The following NDUFS6 variants were observed in gnomAD, a reference collection of about 807,000 sequenced individuals.
NDUFS6 encodes NADH dehydrogenase [ubiquinone] iron-sulfur protein 6, mitochondrial.
In NDUFS6, 14 loss-of-function variants were observed where a neutral mutation model predicts 13.2. The ratio of observed to expected loss-of-function variants is 1.06; its 90% CI spans 0.70 to 1.66. The LOEUF (loss-of-function observed/expected upper bound fraction) is 1.66, where lower values mean the gene tolerates loss of function less well. NDUFS6 is among the 40% of genes most tolerant of loss of function. The probability of loss-of-function intolerance (pLI) is 0.00; values close to 1 mark genes in which losing one functional copy is unlikely to be tolerated. For missense variants in NDUFS6, 206 were observed against 170.8 expected (o/e 1.21, Z -1.15); for synonymous variants, 95 against 72.3 (o/e 1.31, Z -1.60).
At chr5:1,806,814 C>T (rs1188018703) in intron 2 of NDUFS6, among the ~76,000 whole-genome samples, 1 of 152,114 alleles carries the variant, frequency 6.6e-6, no homozygotes, top group Non-Finnish European at 1.5e-5. Context: ...TGAGCGTGTG[C>T]CCAAAAGAAC....
rs1262044796 is a variant in NDUFS6 at position 1,814,522 on chromosome 5, C to T, written c.309+61C>T. On this transcript the variant is annotated intron_variant, in intron 3 of 3. Transcript: ENST00000274137. This position sits in a 1 kb window ranked among gnomAD's most constrained non-coding sequence, Gnocchi z 4.9. ...GCCTGCTCGTCCTCATACTCCCCTT[C>T]ACTCCCAGTGCCTGTTCTTTCTGTC... The T allele has an allele frequency of 2.5e-6, 4 of 1,612,654 alleles. No individual in the cohort carries two copies. The highest frequency in any genetic ancestry group is 3.4e-6 in the Non-Finnish European group (4 of 1,179,296).
At chr5:1,811,767 C>T (rs1340531657) in intron 2 of NDUFS6, among the ~76,000 whole-genome samples, 1 of 152,182 alleles carries the variant, frequency 6.6e-6, no homozygotes, top group African/African-American at 2.4e-5. Flanking sequence ...GTGTTTTGTT[C>T]CTGGTGAGAC....
In NDUFS6 at chr5:1,815,981, T is replaced by TGAAGCTCGCTGGTTCTGTGC; in HGVS notation, c.*70_*89dup. The stretch of plus-strand genomic sequence containing the variant: ...CATTTCCGCGGGGAAGCTGAGCACG[T>TGAAGCTCGCTGGTTCTGTGC]GAAGCTCGCTGGTTCTGTGCGAAGG... On this transcript the variant is annotated 3_prime_UTR_variant, in exon 4 of 4. Coordinates refer to ENST00000274137, the MANE Select transcript of NDUFS6 (RefSeq NM_004553.6). The TGAAGCTCGCTGGTTCTGTGC allele has an allele frequency of 6.5e-7, 1 of 1,533,476 alleles. No individual in the cohort carries two copies. The highest frequency in any genetic ancestry group is 9.0e-7 in the Non-Finnish European group (1 of 1,106,388). 95.0% of individuals were successfully genotyped at this position (1,533,476 alleles called of 1,614,324 possible). A position where few individuals can be genotyped will look rare whatever the true frequency, so the allele number is the denominator to read the frequency against.
intron 2 of NDUFS6, among the ~76,000 whole-genome samples, chr5:1,804,164 C>T (rs766979735): frequency 5.9e-5 from 9 of 152,168 alleles, no homozygotes; most frequent in Non-Finnish European, 1.3e-4. Context: ...AGGTAGGAGC[C>T]CCAGATTGAG....
At position 1,814,535 on chromosome 5, in the gene NDUFS6, T is replaced by G; in HGVS notation, c.309+74T>G. The G allele has an allele frequency of 1.2e-6, 2 of 1,607,794 alleles. No homozygotes were observed. Among genetic ancestry groups the G allele is most frequent in the Non-Finnish European group, 1.7e-6 (2 of 1,176,214 alleles). ...CATACTCCCCTTCACTCCCAGTGCC[T>G]GTTCTTTCTGTCCTCTTCTCTACCT... is the stretch of plus-strand genomic sequence containing the variant. On this transcript the variant is annotated intron_variant, in intron 3 of 3. Coordinates refer to ENST00000274137, the MANE Select transcript of NDUFS6 (RefSeq NM_004553.6). The surrounding 1 kb of genome is among the most constrained non-coding windows in gnomAD (Gnocchi z 4.9).
At chr5:1,802,937 C>G (rs903208378) in intron 2 of NDUFS6, among the ~76,000 whole-genome samples, 1 of 151,368 alleles carries the variant, frequency 6.6e-6, no homozygotes, top group Non-Finnish European at 1.5e-5. Context: ...TTACCTGACT[C>G]CTTCTCTATC....
chr5:1,810,603 A>C (rs1286273819), intron 2 of NDUFS6, among the ~76,000 whole-genome samples: 2 of 152,256 alleles, frequency 1.3e-5, no homozygotes, highest in African/African-American at 4.8e-5. Flanking sequence ...TAAAAAACAT[A>C]AATTCTGTGA....
chr5:1,805,243 G>T (rs1734105756), intron 2 of NDUFS6, among the ~76,000 whole-genome samples: 1 of 152,104 alleles, frequency 6.6e-6, no homozygotes, highest in Admixed American at 6.5e-5. Flanking sequence ...AGGTGGGAGG[G>T]TCATTGAGTC....
At chr5:1,802,519 C>A in intron 2 of NDUFS6, 145 bp downstream of exon 2, 1 of 628,576 alleles carries the variant, frequency 1.6e-6, no homozygotes, top group East Asian at 2.9e-5. Context: ...TTCTTCCTTT[C>A]TTAAAATCTT....
chr5:1,811,314 G>A (rs1228880416), intron 2 of NDUFS6, among the ~76,000 whole-genome samples: 3 of 151,964 alleles, frequency 2.0e-5, no homozygotes, highest in Non-Finnish European at 4.4e-5. Flanking sequence ...AGGATTAACT[G>A]TACCTTCAAA....
chr5:1,802,413 A>G (rs762718612), intron 2 of NDUFS6, 39 bp downstream of exon 2: 2 of 1,552,482 alleles, frequency 1.3e-6, no homozygotes, highest in African/African-American at 1.4e-5. Context: ...AAGCTTTCCT[A>G]AAACTTTTAT....
At chr5:1,806,947 A>G (rs1337413096) in intron 2 of NDUFS6, among the ~76,000 whole-genome samples, 2 of 152,182 alleles carry the variant, frequency 1.3e-5, no homozygotes, top group Non-Finnish European at 2.9e-5. Context: ...CTGTCCATGG[A>G]CAGTGGAATA....
chr5:1,811,471 T>C (rs550526005), intron 2 of NDUFS6, among the ~76,000 whole-genome samples: 13 of 152,382 alleles, frequency 8.5e-5, no homozygotes, highest in African/African-American at 3.1e-4. Context: ...TTCTTGATCA[T>C]GCATGTTTTT....
chr5:1,815,723 T>G, intron 3 of NDUFS6, 128 bp from the exon 4 acceptor site: 4 of 965,850 alleles, frequency 4.1e-6, no homozygotes, highest in Non-Finnish European at 6.5e-6. Context: ...TCTGCATTCT[T>G]ACTTCAGTAG....
chr5:1,801,430 A>G lies in NDUFS6; in HGVS notation c.13A>G (p.Met5Val). ...CCAGCGGCGCAAAATGGCGGCGGCGATGACCTTCTGCCGGCTGCTGAACCG... is the reference window on the plus strand; with the variant it reads ...CCAGCGGCGCAAAATGGCGGCGGCGGTGACCTTCTGCCGGCTGCTGAACCG... MAAA[M>V]TFCRLLNRCG... Residue 5 changes from methionine (M) to valine (V), a missense_variant, in exon 1 of 4, where the codon ATG becomes GTG. By Grantham distance (21) the Met-to-Val change is conservative. Coordinates refer to ENST00000274137, the MANE Select transcript of NDUFS6 (RefSeq NM_004553.6). 4 of 1,605,160 alleles carry G rather than the reference A, an allele frequency of 2.5e-6. No individual in the cohort carries two copies. The highest frequency in any genetic ancestry group is 2.5e-6 in the Non-Finnish European group (3 of 1,178,352).
intron 2 of NDUFS6, among the ~76,000 whole-genome samples, chr5:1,804,521 G>A (rs943434279): frequency 6.6e-6 from 1 of 152,230 alleles, no homozygotes; most frequent in Non-Finnish European, 1.5e-5. Context: ...CCCCCATTCA[G>A]CATCCTGAGT....
In NDUFS6 at chr5:1,802,394, A is replaced by C. The variant is rs1428499753; in HGVS notation, c.186+20A>C. On this transcript the variant is annotated intron_variant, in intron 2 of 3. Coordinates refer to ENST00000274137, the MANE Select transcript of NDUFS6 (RefSeq NM_004553.6). ...AAAGAGGTGAGTAAAAAATCTAGTG[A>C]AGAGAGGTAAGCTTTCCTAAAACTT... The C allele has an allele frequency of 1.4e-5, 22 of 1,605,810 alleles. No homozygotes were observed. Among genetic ancestry groups the C allele is most frequent in the Non-Finnish European group, 1.9e-5 (22 of 1,172,674 alleles).
intron 2 of NDUFS6, among the ~76,000 whole-genome samples, chr5:1,810,470 G>A (rs1362718741): frequency 6.6e-6 from 1 of 152,202 alleles, no homozygotes; most frequent in East Asian, 1.9e-4. Flanking sequence ...GCAGCTGAAA[G>A]GGGCTGGCTC....
At position 1,808,248 on chromosome 5, in the gene NDUFS6, G is replaced by A. The variant is rs536619338; in HGVS notation, c.186+5874G>A. Among the ~76,000 whole-genome samples, 6 of 152,298 alleles carry A rather than the reference G, an allele frequency of 3.9e-5. No homozygotes were observed. The South Asian group carries it at 1.2e-3, about 32-fold the overall frequency. On this transcript the variant is annotated intron_variant, in intron 2 of 3. Coordinates refer to ENST00000274137, the MANE Select transcript of NDUFS6 (RefSeq NM_004553.6). Reference sequence around the variant, plus strand: ...TTTAGGGGGTGTTTGAGACGCGGGCGGTGCGATGTGCGCCATGGCTGCTCT... The same window carrying A: ...TTTAGGGGGTGTTTGAGACGCGGGCAGTGCGATGTGCGCCATGGCTGCTCT...
Sources: allele counts gnomAD v4.1 joint callset (sites outside exome capture counted in the v4.1 genomes callset), GRCh38; gene constraint gnomAD v4.1.1; non-coding constraint Gnocchi (gnomAD v3.1); transcripts MANE v1.5; gene names NCBI Gene and HGNC (gene_info 2026-07-23, HGNC 2026-07-21).